DNAI1: variants seen among roughly 807,000 people sequenced by gnomAD.
DNAI1 encodes dynein, axonemal, intermediate polypeptide 1.
In DNAI1, 67 loss-of-function variants were observed where a neutral mutation model predicts 92.0. The observed-to-expected ratio is 0.73, with a 90% CI of 0.60 to 0.89. The LOEUF is 0.89. Ranked by LOEUF, DNAI1 falls within the 40% of genes least tolerant of loss-of-function variation. The probability of loss-of-function intolerance (pLI) is 0.00; values close to 1 mark genes in which losing one functional copy is unlikely to be tolerated. For missense variants in DNAI1, 839 were observed against 866.6 expected (o/e 0.97, Z 0.40); for synonymous variants, 323 against 319.6 (o/e 1.01, Z -0.11).
At chr9:34,513,409 C>T (rs1184603160) in intron 16 of DNAI1, among the ~76,000 whole-genome samples, 3 of 152,134 alleles carry the variant, frequency 2.0e-5, no homozygotes, top group Non-Finnish European at 4.4e-5. Context: ...TGACTTTAGC[C>T]CAGCTCAGCA....
At chr9:34,482,411 CAG>C (rs1824377850) in intron 1 of DNAI1, among the ~76,000 whole-genome samples, 1 of 146,858 alleles carries the variant, frequency 6.8e-6, no homozygotes, top group South Asian at 2.2e-4. Context: ...CAGCTAGATA[CAG>C]AGTGTTGATT....
chr9:34,465,135 T>A (rs1824014124), intron 1 of DNAI1, among the ~76,000 whole-genome samples: 1 of 152,206 alleles, frequency 6.6e-6, no homozygotes, highest in African/African-American at 2.4e-5. Flanking sequence ...AAAGGACAAT[T>A]TCAGAGTGAA....
chr9:34,467,440 T>TACACACACACAC (rs3039302), intron 1 of DNAI1, among the ~76,000 whole-genome samples: 2 of 137,376 alleles, frequency 1.5e-5, no homozygotes, highest in Non-Finnish European at 3.1e-5. Flanking sequence ...TCTACACAAA[T>TACACACACACAC]ACACACACAC....
At chr9:34,501,295 G>A in intron 12 of DNAI1, 114 bp downstream of exon 12, 1 of 898,092 alleles carries the variant, frequency 1.1e-6, no homozygotes, top group Non-Finnish European at 1.9e-6. Context: ...TGCCCGCAGG[G>A]GGCTCACAGT....
chr9:34,462,616 C>T (rs1287619326), intron 1 of DNAI1, among the ~76,000 whole-genome samples: 2 of 151,964 alleles, frequency 1.3e-5, no homozygotes, highest in African/African-American at 2.4e-5. Flanking sequence ...TGAATGTGTT[C>T]GAAGGATGGG....
intron 7 of DNAI1, 29 bp downstream of exon 7, chr9:34,490,517 G>T (rs1479311477): frequency 6.2e-7 from 1 of 1,613,500 alleles, no homozygotes; most frequent in South Asian, 1.1e-5. Context: ...TAGCCCCTTT[G>T]CAGCTCTTCA....
chr9:34,471,010 A>G lies in DNAI1; in HGVS notation c.48+11957A>G, dbSNP rs375012043. Among the ~76,000 whole-genome samples, 8 of 152,364 alleles carry G rather than the reference A, an allele frequency of 5.3e-5. No homozygotes were observed. The East Asian group carries it at 7.7e-4, about 15-fold the overall frequency. On this transcript the variant is annotated intron_variant, in intron 1 of 19. Coordinates refer to ENST00000242317, the MANE Select transcript of DNAI1 (RefSeq NM_012144.4). ...ATTAAAGAATACTTCTGAATAACCT[A>G]TAGGTCAAGAAAATCATAAGGAAAT...
intron 10 of DNAI1, among the ~76,000 whole-genome samples, chr9:34,499,230 C>T (rs186021551): frequency 1.8e-4 from 28 of 152,326 alleles, no homozygotes; most frequent in African/African-American, 6.3e-4. Context: ...GCCTCTCTGA[C>T]CACTTGAATC....
intron 10 of DNAI1, among the ~76,000 whole-genome samples, chr9:34,497,904 C>T (rs1023471961): frequency 2.0e-5 from 3 of 152,172 alleles, no homozygotes; most frequent in African/African-American, 7.2e-5. Flanking sequence ...ACAGGATCTT[C>T]ATTGAAAAGA....
At position 34,466,280 on chromosome 9, in the gene DNAI1, C is replaced by T. The variant is rs185600822; in HGVS notation, c.48+7227C>T. Among the ~76,000 whole-genome samples the T allele has an allele frequency of 2.2e-4, 34 of 152,310 alleles. No homozygotes were observed. The East Asian group carries it at 5.2e-3, about 23-fold the overall frequency. On this transcript the variant is annotated intron_variant, in intron 1 of 19. Coordinates refer to ENST00000242317, the MANE Select transcript of DNAI1 (RefSeq NM_012144.4). ...TATTAATTATGTAGGGACCCTACCC[C>T]TAATGTTAAGCTTATTTTTCTACTT...
At chr9:34,465,690 G>A (rs756651438) in intron 1 of DNAI1, among the ~76,000 whole-genome samples, 8 of 152,198 alleles carry the variant, frequency 5.3e-5, no homozygotes, top group Non-Finnish European at 5.9e-5. Flanking sequence ...AATAATAATG[G>A]CAGAGGGCTC....
chr9:34,475,922 C>T (rs1234779495), intron 1 of DNAI1, among the ~76,000 whole-genome samples: 1 of 152,100 alleles, frequency 6.6e-6, no homozygotes, highest in African/African-American at 2.4e-5. Flanking sequence ...AAATAGATCG[C>T]TTACATTGTT....
intron 1 of DNAI1, among the ~76,000 whole-genome samples, chr9:34,465,332 A>G (rs1169370002): frequency 5.3e-5 from 8 of 152,220 alleles, no homozygotes; most frequent in Non-Finnish European, 8.8e-5. Context: ...GATGTTGTGG[A>G]CAGGAGGAGG....
chr9:34,520,713 A>T lies in DNAI1; in HGVS notation c.2057A>T (p.Asp686Val). The change falls in exon 20 of 20, where the codon GAC (aspartate) becomes GTC (valine). Residue 686 changes from aspartate to valine, a missense_variant. Coordinates refer to ENST00000242317, the MANE Select transcript of DNAI1 (RefSeq NM_012144.4). Reference sequence around the variant, plus strand: ...CCAGCTGTGGAGATTGCGAAACTGGACAAACTGCTGAACCTGGTGAGGGAA... The same window carrying T: ...CCAGCTGTGGAGATTGCGAAACTGGTCAAACTGCTGAACCTGGTGAGGGAA... The part of the protein sequence containing the change: ...KGPAVEIAKL[D>V]KLLNLVREVK... 1 of 1,551,684 alleles carries T rather than the reference A, an allele frequency of 6.4e-7. No individual in the cohort carries two copies. Among genetic ancestry groups the T allele is most frequent in the South Asian group, 1.2e-5 (1 of 84,068 alleles).
In DNAI1 at chr9:34,501,140, A is replaced by C; in HGVS notation, c.1022A>C (p.Asn341Thr). The change falls in exon 12 of 20, where the codon AAT becomes ACT. Residue 341 changes from asparagine to threonine, a missense_variant and splice_region_variant. Transcript: ENST00000242317. ...KRLSVTALCW[N>T]PKYRDLFAVG... is the part of the protein sequence containing the mutation. ...TGGATTCATATTTTTTTTTGCAGGA[A>C]TCCAAAGTACAGGGATCTGTTTGCA... The C allele has an allele frequency of 6.2e-7, 1 of 1,613,566 alleles. No individual in the cohort carries two copies. Among genetic ancestry groups the C allele is most frequent in the Non-Finnish European group, 8.5e-7 (1 of 1,179,476 alleles).
chr9:34,515,251 C>T (rs1825152722), intron 18 of DNAI1, among the ~76,000 whole-genome samples: 1 of 152,154 alleles, frequency 6.6e-6, no homozygotes, highest in Admixed American at 6.5e-5. Context: ...GAATGCAAAC[C>T]CATTTTCCCT....
chr9:34,465,125 A>G (rs1383472216), intron 1 of DNAI1, among the ~76,000 whole-genome samples: 1 of 152,220 alleles, frequency 6.6e-6, no homozygotes, highest in African/African-American at 2.4e-5. Flanking sequence ...GGGACCTTGG[A>G]AAGGACAATT....
chr9:34,494,171 C>T (rs371637551), intron 9 of DNAI1, among the ~76,000 whole-genome samples: 19 of 152,090 alleles, frequency 1.2e-4, no homozygotes, highest in Admixed American at 4.6e-4. Flanking sequence ...TGGCTGCTCT[C>T]GGGGAAGTGG....
At chr9:34,463,858 A>C (rs1823991675) in intron 1 of DNAI1, among the ~76,000 whole-genome samples, 1 of 152,184 alleles carries the variant, frequency 6.6e-6, no homozygotes, top group Non-Finnish European at 1.5e-5. Flanking sequence ...ATAAGGCCAG[A>C]AGAGAGTCTT....
Sources: allele counts gnomAD v4.1 joint callset (sites outside exome capture counted in the v4.1 genomes callset), GRCh38; gene constraint gnomAD v4.1.1; transcripts MANE v1.5; gene names NCBI Gene and HGNC (gene_info 2026-07-23, HGNC 2026-07-21).